Variants in POLB observed in about 807,000 individuals in gnomAD.
The protein encoded by POLB is 5'-dRP lyase.
Under a neutral mutation model 52.7 loss-of-function variants are expected in POLB, and 37 were observed. That is an observed-to-expected ratio of 0.70 (90% CI 0.54 to 0.92). The LOEUF is 0.92. POLB is among the 40% of genes least tolerant of loss of function. The pLI, the probability that POLB is intolerant of heterozygous loss-of-function variation, is 0.00. For synonymous variants in POLB, 138 were observed against 131.3 expected (o/e 1.05, Z -0.35); for missense variants, 313 against 400.8 (o/e 0.78, Z 1.87).
chr8:42,342,138 A>G (rs1337923973), intron 2 of POLB: 2 of 1,447,836 alleles, frequency 1.4e-6, no homozygotes, highest in South Asian at 1.1e-5. Context: ...GGGATAGACA[A>G]GCCTCCATCC....
At position 42,349,156 on chromosome 8, in the gene POLB, A is replaced by G. The variant is rs1822810651; in HGVS notation, c.261+66A>G. On this transcript the variant is annotated intron_variant, in intron 4 of 13. Transcript: ENST00000265421. The stretch of plus-strand genomic sequence containing the variant: ...GCCTTTATGGCCACTATGTAGCGTC[A>G]TTGCAGGGTGACCAATGTCATTCAC... 4 of 864,854 alleles carry G rather than the reference A, an allele frequency of 4.6e-6. No homozygotes were observed. In the Admixed American group the frequency reaches 6.2e-5, roughly 13 times the overall value. The allele number at this position is 864,854 out of a possible 1,614,324, so 53.6% of individuals were successfully genotyped here. A position where few individuals can be genotyped will look rare whatever the true frequency, so the allele number is the denominator to read the frequency against.
At position 42,345,020 on chromosome 8, in the gene POLB, G is replaced by A. The variant is rs1412800019; in HGVS notation, c.186+1G>A. 6.3e-7 allele frequency: 1 copy of A among 1,599,708 alleles called. No homozygotes were observed. The highest frequency in any genetic ancestry group is 1.7e-5 in the Admixed American group (1 of 59,986). ...GAGTGGAGCTGAAGCTAAGAAATTG[G>A]TAAGTTTAGTTAGCATGTTGATCGA... On this transcript the variant is annotated splice_donor_variant, in intron 3 of 13. Coordinates refer to ENST00000265421, the MANE Select transcript of POLB (RefSeq NM_002690.3). LOFTEE classifies it high-confidence loss of function.
Position 42,369,910 on chromosome 8 carries a change from A to C in POLB, c.835A>C (p.Asn279His). 1.2e-6 allele frequency: 2 copies of C among 1,605,956 alleles called. No individual in the cohort carries two copies. Among genetic ancestry groups the C allele is most frequent in the South Asian group, 1.1e-5 (1 of 90,860 alleles). The change falls in exon 13 of 14, where the codon AAT becomes CAT. Residue 279 changes from asparagine (N) to histidine (H), a missense_variant. Asn to His is a moderately conservative substitution (Grantham distance 68). Coordinates refer to ENST00000265421, the MANE Select transcript of POLB (RefSeq NM_002690.3). ...CTATTTCACTGGGAGTGATATTTTC[A>C]ATAAGAATATGAGGGCTCATGCCCT... ...VLYFTGSDIF[N>H]KNMRAHALEK...
At chr8:42,341,951 T>C in intron 2 of POLB, 1 of 706,668 alleles carries the variant, frequency 1.4e-6, no homozygotes, top group Non-Finnish European at 2.6e-6. Context: ...CTTCATCATG[T>C]CTGAAGTTAT....
chr8:42,345,458 T>C (rs961055012), intron 3 of POLB, among the ~76,000 whole-genome samples: 1 of 152,202 alleles, frequency 6.6e-6, no homozygotes, highest in African/African-American at 2.4e-5. Context: ...TAAGACCCTT[T>C]TGTTTTATGG....
intron 7 of POLB, 42 bp from the exon 8 acceptor site, chr8:42,357,127 A>C (rs1823362408): frequency 4.6e-6 from 5 of 1,081,270 alleles, no homozygotes; most frequent in Non-Finnish European, 7.0e-6. Context: ...AGGAGATTTA[A>C]ATTTTACGAA....
chr8:42,338,861 C>A, intron 1 of POLB, 151 bp from the exon 2 acceptor site: 1 of 910,184 alleles, frequency 1.1e-6, no homozygotes, highest in Non-Finnish European at 1.8e-6. Flanking sequence ...GCCGGCTACA[C>A]CTGGGCCATC....
At chr8:42,344,756 A>C (rs903597970) in intron 2 of POLB, among the ~76,000 whole-genome samples, 197 bp from the exon 3 acceptor site, 15 of 151,392 alleles carry the variant, frequency 9.9e-5, no homozygotes, top group Admixed American at 3.9e-4. Flanking sequence ...CGGAGGTTCC[A>C]GTGAGCTGAG....
rs1384370938 is a variant in POLB, at chr8:42,362,632, T to G, written c.642T>G (p.Val214=). ...STKQPKLLHQ[V]VEQLQKVHFI... is the part of the protein sequence containing the mutation. Reference sequence around the variant, plus strand: ...TACAGCCAAAACTGTTACATCAGGTTGTGGAGCAGTTACAAAAGGTTCATT... The same window carrying G: ...TACAGCCAAAACTGTTACATCAGGTGGTGGAGCAGTTACAAAAGGTTCATT... The change falls in exon 11 of 14, where the codon GTT becomes GTG. Residue 214 remains valine (V), a synonymous_variant. Coordinates refer to ENST00000265421, the MANE Select transcript of POLB (RefSeq NM_002690.3). 1 of 1,608,576 alleles carries G rather than the reference T, an allele frequency of 6.2e-7. No individual in the cohort carries two copies. Among genetic ancestry groups the G allele is most frequent in the Admixed American group, 1.7e-5 (1 of 59,980 alleles).
intron 9 of POLB, among the ~76,000 whole-genome samples, chr8:42,358,880 T>TA (rs911330764): frequency 1.7e-4 from 26 of 151,420 alleles, no homozygotes; most frequent in South Asian, 8.3e-4. Context: ...ACCTAGGACT[T>TA]AAAAAAAAAT....
intron 12 of POLB, 100 bp from the exon 13 acceptor site, chr8:42,369,749 T>G (rs1824261960): frequency 1.4e-6 from 1 of 731,644 alleles, no homozygotes. Context: ...CCACTTAGGC[T>G]TATCTTTGGT....
At chr8:42,348,333 C>T (rs555495990) in intron 3 of POLB, among the ~76,000 whole-genome samples, 2 of 152,310 alleles carry the variant, frequency 1.3e-5, no homozygotes, top group East Asian at 3.9e-4. Context: ...ACAGCAACCA[C>T]AAGCCACATT....
intron 11 of POLB, among the ~76,000 whole-genome samples, chr8:42,363,810 G>A (rs1227188791): frequency 3.9e-5 from 6 of 152,098 alleles, no homozygotes; most frequent in Non-Finnish European, 5.9e-5. Context: ...AAGTTGATTG[G>A]GGGGGAATTA....
At chr8:42,350,959 C>G (rs940482845) in intron 5 of POLB, among the ~76,000 whole-genome samples, 3 of 151,716 alleles carry the variant, frequency 2.0e-5, no homozygotes, top group Non-Finnish European at 4.4e-5. Flanking sequence ...TAACCTTGAA[C>G]TCTTGGGGTA....
chr8:42,356,477 C>A (rs568752004), intron 7 of POLB, among the ~76,000 whole-genome samples: 2 of 152,194 alleles, frequency 1.3e-5, no homozygotes, highest in Admixed American at 6.5e-5. Flanking sequence ...ATATACAATT[C>A]AGTGACTTTT....
Position 42,339,037 on chromosome 8 carries a change from G to A in POLB, c.87G>A (p.Val29=). 1 of 1,614,082 alleles carries A rather than the reference G, an allele frequency of 6.2e-7. No homozygotes were observed. ...AACTCGCAAACTTTGAGAAGAACGT[G>A]AGCCAAGCTATCCACAAGTACAATG... ...LTELANFEKN[V]SQAIHKYNAY... Residue 29 remains valine (V), a synonymous_variant, in exon 2 of 14, where the codon GTG becomes GTA. Coordinates refer to ENST00000265421, the MANE Select transcript of POLB (RefSeq NM_002690.3).
chr8:42,358,101 G>T (rs748859306), intron 9 of POLB, among the ~76,000 whole-genome samples: 1 of 152,148 alleles, frequency 6.6e-6, no homozygotes, highest in Non-Finnish European at 1.5e-5. Context: ...CAACAACCGG[G>T]TTCATCAGAA....
At chr8:42,351,945 G>A (rs1822997836) in intron 5 of POLB, among the ~76,000 whole-genome samples, 1 of 152,126 alleles carries the variant, frequency 6.6e-6, no homozygotes, top group South Asian at 2.1e-4. Flanking sequence ...GCCAGCCTTA[G>A]GGCCCTTGCA....
rs993789800 is a variant in POLB, at chr8:42,345,069, G to C, written c.186+50G>C. ...GAAGAGTTCACACGTGTCCAAATTT[G>C]GTGGGTTCCCACCAAACCAAACTTG... is the stretch of plus-strand genomic sequence containing the variant. On this transcript the variant is annotated intron_variant, in intron 3 of 13. Coordinates refer to ENST00000265421, the MANE Select transcript of POLB (RefSeq NM_002690.3). 5.2e-6 allele frequency: 7 copies of C among 1,334,142 alleles called. No individual in the cohort carries two copies. In the African/African-American group the frequency reaches 1.0e-4, roughly 19 times the overall value. The allele number at this position is 1,334,142 out of a possible 1,614,324, so 82.6% of individuals were successfully genotyped here. A position where few individuals can be genotyped will look rare whatever the true frequency, so the allele number is the denominator to read the frequency against.
Sources: allele counts gnomAD v4.1 joint callset (sites outside exome capture counted in the v4.1 genomes callset), GRCh38; gene constraint gnomAD v4.1.1; transcripts MANE v1.5; gene names NCBI Gene and HGNC (gene_info 2026-07-23, HGNC 2026-07-21).